SLC17A1: variants seen among roughly 807,000 people sequenced by gnomAD.
The protein encoded by SLC17A1 is sodium-dependent phosphate transport protein 1.
Under a neutral mutation model 53.5 loss-of-function variants are expected in SLC17A1, and 51 were observed. That is an observed-to-expected ratio of 0.95 (90% confidence interval 0.76 to 1.20). The LOEUF (loss-of-function observed/expected upper bound fraction) is 1.20, where lower values mean the gene tolerates loss of function less well. Among genes scored for constraint, SLC17A1 ranks in the 50% most tolerant of loss-of-function variants. The pLI, the probability that SLC17A1 is intolerant of heterozygous loss-of-function variation, is 0.00. For synonymous variants in SLC17A1, 179 were observed against 198.8 expected, an observed-to-expected ratio of 0.90 and a Z score of 0.84; for missense variants, 538 against 568.2, an observed-to-expected ratio of 0.95 and a Z score of 0.54.
intron 6 of SLC17A1, among the ~76,000 whole-genome samples, chr6:25,813,751 G>A (rs1005096217): frequency 1.3e-5 from 2 of 152,134 alleles, no homozygotes; most frequent in African/African-American, 4.8e-5. Flanking sequence ...GGTAGAAGGT[G>A]TTCCCCTCAG....
chr6:25,765,257 A>T, the SLC17A1 span, among the ~76,000 whole-genome samples: 1 of 152,294 alleles, frequency 6.6e-6, no homozygotes. Flanking sequence ...TAGCTGTCAC[A>T]TAATGAGTGC....
chr6:25,822,614 A>T (rs1227680628), intron 3 of SLC17A1, among the ~76,000 whole-genome samples: 1 of 152,148 alleles, frequency 6.6e-6, no homozygotes, highest in African/African-American at 2.4e-5. Context: ...TGTGCTAGAG[A>T]AATCTTTCAA....
the SLC17A1 span, among the ~76,000 whole-genome samples, chr6:25,763,960 C>T: frequency 6.6e-6 from 1 of 152,114 alleles, no homozygotes; most frequent in Non-Finnish European, 1.5e-5. Context: ...TGGAAGATTC[C>T]ACAAACGTTG....
the SLC17A1 span, chr6:25,727,187 CAGAG>C: frequency 1.2e-6 from 2 of 1,614,026 alleles, no homozygotes; most frequent in Non-Finnish European, 1.7e-6. Context: ...CCATTTCTTC[CAGAG>C]AGATTCAGAC....
At chr6:25,792,880 T>A (rs944690722) in intron 12 of SLC17A1, among the ~76,000 whole-genome samples, 5 of 152,170 alleles carry the variant, frequency 3.3e-5, no homozygotes, top group Non-Finnish European at 7.3e-5. Context: ...CATCTCTCAC[T>A]TGAACCTCTG....
chr6:25,819,156 T>C lies in SLC17A1; in HGVS notation c.530-2A>G, dbSNP rs768919747. On this transcript the variant is annotated splice_acceptor_variant, in intron 5 of 12. Coordinates refer to ENST00000244527, the MANE Select transcript of SLC17A1 (RefSeq NM_005074.5). LOFTEE classifies it high-confidence loss of function. ...CAATAAAGGGTCCCAGCAAAAACCC[T>C]AATCAGTAGGTACAAAGAACACCCC... 6.3e-7 allele frequency: 1 copy of C among 1,599,470 alleles called. No individual in the cohort carries two copies. Among genetic ancestry groups the C allele is most frequent in the Non-Finnish European group, 8.5e-7 (1 of 1,173,280 alleles).
chr6:25,767,547 T>C, the SLC17A1 span, among the ~76,000 whole-genome samples: 6 of 152,172 alleles, frequency 3.9e-5, no homozygotes, highest in Admixed American at 3.3e-4. Context: ...TGCAGGTGTC[T>C]GATTCTAGGA....
chr6:25,727,342 C>T, the SLC17A1 span: 3 of 1,471,748 alleles, frequency 2.0e-6, no homozygotes, highest in African/African-American at 2.8e-5. Flanking sequence ...TTCAGAGCCA[C>T]TTAAACATAC....
At chr6:25,776,531 G>A in the SLC17A1 span, 44 of 1,536,338 alleles carry the variant, frequency 2.9e-5, no homozygotes, top group African/African-American at 5.4e-4. Flanking sequence ...GTCTGTCCAA[G>A]GTTGTCTGTG....
At chr6:25,732,031 G>A in the SLC17A1 span, 3 of 1,442,404 alleles carry the variant, frequency 2.1e-6, no homozygotes, top group African/African-American at 4.3e-5. Flanking sequence ...TGCTTCAGCA[G>A]CTTGTAGATG....
intron 10 of SLC17A1, among the ~76,000 whole-genome samples, chr6:25,806,743 C>G (rs1763968421): frequency 6.6e-6 from 1 of 152,032 alleles, no homozygotes; most frequent in African/African-American, 2.4e-5. Context: ...AAACAGATAA[C>G]CCACAGAATG....
At chr6:25,770,591 G>A in the SLC17A1 span, 4 of 900,418 alleles carry the variant, frequency 4.4e-6, no homozygotes, top group African/African-American at 6.5e-5. Flanking sequence ...TTTCCTTAAA[G>A]CACTACCCCA....
chr6:25,742,733 G>T, the SLC17A1 span, among the ~76,000 whole-genome samples: 79 of 152,236 alleles, frequency 5.2e-4, no homozygotes, highest in South Asian at 5.8e-3. Context: ...GAGCCCAGGA[G>T]TTCAAGGCTG....
At chr6:25,779,281 C>T, downstream of SLC17A1, 1 of 1,533,286 alleles carries the variant, frequency 6.5e-7, no homozygotes, top group Non-Finnish European at 8.9e-7. Context: ...ACTGATAAGC[C>T]ATTAGCTAGA....
At chr6:25,820,917 AG>A (rs377042149) in intron 3 of SLC17A1, among the ~76,000 whole-genome samples, 70 of 150,830 alleles carry the variant, frequency 4.6e-4, no homozygotes, top group African/African-American at 1.4e-3. Flanking sequence ...AAAAAAAAAA[AG>A]AATGATAAAA....
chr6:25,730,778 G>A, the SLC17A1 span, among the ~76,000 whole-genome samples: 1 of 152,140 alleles, frequency 6.6e-6, no homozygotes, highest in African/African-American at 2.4e-5. Flanking sequence ...TAGTTGGGTG[G>A]AGAGTGGTTT....
At chr6:25,812,804 A>G in intron 8 of SLC17A1, 27 bp downstream of exon 8, 1 of 1,495,336 alleles carries the variant, frequency 6.7e-7, no homozygotes, top group Non-Finnish European at 9.1e-7. Context: ...TCGTGAAGTT[A>G]AAAAAAAGAA....
chr6:25,812,715 G>GCAGTAGC, intron 8 of SLC17A1, 116 bp downstream of exon 8: 1 of 697,106 alleles, frequency 1.4e-6, no homozygotes, highest in Non-Finnish European at 2.4e-6. Context: ...CAGGTGAAGA[G>GCAGTAGC]CAGTAGCCAG....
chr6:25,809,764 A>G (rs545991401), intron 10 of SLC17A1, among the ~76,000 whole-genome samples: 1 of 152,124 alleles, frequency 6.6e-6, no homozygotes, highest in Non-Finnish European at 1.5e-5. Flanking sequence ...ATAGAAAAAC[A>G]TCTTACAATT....
Sources: gnomAD v4.1 joint callset for allele counts (sites outside exome capture counted in the v4.1 genomes callset) on GRCh38, gnomAD v4.1.1 for gene constraint, MANE v1.5 for transcripts, NCBI Gene and HGNC (gene_info 2026-07-23, HGNC 2026-07-21) for gene names.